COL25A1: variants seen among roughly 807,000 people sequenced by gnomAD.
The protein encoded by COL25A1 is collagen type XXV alpha 1 chain.
In COL25A1, 103 loss-of-function variants were observed where a neutral mutation model predicts 128.4. The observed-to-expected ratio is 0.80, with a 90% CI of 0.68 to 0.94. The LOEUF (loss-of-function observed/expected upper bound fraction) is 0.94. Among genes scored for constraint, COL25A1 ranks in the 40% least tolerant of loss-of-function variants. The pLI is 0.00. For synonymous variants in COL25A1, 279 were observed against 277.2 expected, an observed-to-expected ratio of 1.01 and a Z score of -0.06; for missense variants, 745 against 840.0, an observed-to-expected ratio of 0.89 and a Z score of 1.40.
chr4:108,821,894 A>G (rs766054006), intron 35 of COL25A1, among the ~76,000 whole-genome samples: 17 of 152,164 alleles, frequency 1.1e-4, no homozygotes, highest in Non-Finnish European at 1.3e-4. Flanking sequence ...TTGTAAATTT[A>G]AAACTTCTAA....
chr4:108,839,411 T>G (rs1261365850), intron 31 of COL25A1, among the ~76,000 whole-genome samples: 2 of 152,208 alleles, frequency 1.3e-5, no homozygotes, highest in Non-Finnish European at 2.9e-5. Context: ...ACAGCCACTA[T>G]AGCAAGTCCA....
chr4:109,140,240 A>G (rs956618230), intron 3 of COL25A1, among the ~76,000 whole-genome samples: 4 of 151,844 alleles, frequency 2.6e-5, no homozygotes, highest in African/African-American at 9.7e-5. Context: ...TCCCTGAGGA[A>G]TTGTGTGTGG....
chr4:109,078,116 G>A (rs1336506715), intron 3 of COL25A1, among the ~76,000 whole-genome samples: 1 of 152,118 alleles, frequency 6.6e-6, no homozygotes, highest in Admixed American at 6.5e-5. Context: ...CAGTGCCTGG[G>A]TTTCTCTATT....
chr4:109,222,624 G>A (rs771710047), intron 3 of COL25A1, among the ~76,000 whole-genome samples: 7 of 151,940 alleles, frequency 4.6e-5, no homozygotes, highest in Non-Finnish European at 4.4e-5. Context: ...GCTAAATGTA[G>A]GATTTAGAAT....
At chr4:109,040,021 C>A (rs1759732928) in intron 5 of COL25A1, among the ~76,000 whole-genome samples, 1 of 152,088 alleles carries the variant, frequency 6.6e-6, no homozygotes, top group African/African-American at 2.4e-5. Context: ...TTCCATTTAA[C>A]CCTATGCAAA....
chr4:108,942,519 C>T (rs945289800), intron 8 of COL25A1, among the ~76,000 whole-genome samples: 2 of 151,972 alleles, frequency 1.3e-5, no homozygotes, highest in Non-Finnish European at 2.9e-5. Flanking sequence ...TCTAGGCTCA[C>T]TGCAACCTCC....
intron 11 of COL25A1, among the ~76,000 whole-genome samples, chr4:108,921,401 T>TTGTA (rs76093427): frequency 1.3e-5 from 2 of 151,614 alleles, no homozygotes; most frequent in Admixed American, 1.3e-4. Flanking sequence ...ATAGCTATAT[T>TTGTA]TCTATTTTTA....
intron 13 of COL25A1, among the ~76,000 whole-genome samples, chr4:108,912,679 A>C (rs1233697144): frequency 6.6e-6 from 1 of 152,218 alleles, no homozygotes; most frequent in Non-Finnish European, 1.5e-5. Context: ...TAGTGTTTAT[A>C]GTAAGTGAAT....
In COL25A1 at chr4:109,026,135, CAT is replaced by C. The variant is rs1553917374; in HGVS notation, c.421-15762_421-15761del. ...ACACACACACACACACACACACACA[CAT>C]ATACTCTTAAATTAGTTCGCGGGTT... On this transcript the variant is annotated intron_variant, in intron 5 of 37. Transcript: ENST00000399132. 1.4e-3 allele frequency among the ~76,000 whole-genome samples: 207 copies of C among 150,796 alleles called. 1 individual carries two copies. The highest frequency in any genetic ancestry group is 9.0e-3 in the South Asian group (43 of 4,756).
chr4:109,163,424 T>C (rs1772769915), intron 3 of COL25A1, among the ~76,000 whole-genome samples: 1 of 152,182 alleles, frequency 6.6e-6, no homozygotes, highest in Non-Finnish European at 1.5e-5. Flanking sequence ...TTTTGGCCTA[T>C]ATGACTAGAG....
intron 15 of COL25A1, among the ~76,000 whole-genome samples, 164 bp downstream of exon 15, chr4:108,898,990 T>TCTCTATAG (rs1742494267): frequency 6.9e-6 from 1 of 144,344 alleles, no homozygotes; most frequent in South Asian, 2.1e-4. Context: ...TATCTATATA[T>TCTCTATAG]CTATATATCT....
chr4:109,048,213 G>A, intron 4 of COL25A1, 38 bp from the exon 5 acceptor site: 1 of 1,588,944 alleles, frequency 6.3e-7, no homozygotes, highest in Non-Finnish European at 8.6e-7. Context: ...GAGAGAGAGA[G>A]GAGTTAGTGA....
At chr4:109,287,986 G>A (rs932241319) in intron 3 of COL25A1, among the ~76,000 whole-genome samples, 1 of 151,980 alleles carries the variant, frequency 6.6e-6, no homozygotes, top group Non-Finnish European at 1.5e-5. Flanking sequence ...ACATGCATGA[G>A]TAAGATGGGA....
At chr4:109,277,181 C>T (rs77640591) in intron 3 of COL25A1, among the ~76,000 whole-genome samples, 1 of 152,070 alleles carries the variant, frequency 6.6e-6, no homozygotes, top group Non-Finnish European at 1.5e-5. Flanking sequence ...TAATTATTCC[C>T]CCTTAGCCTT....
chr4:109,184,555 T>C (rs972500843), intron 3 of COL25A1, among the ~76,000 whole-genome samples: 1 of 152,180 alleles, frequency 6.6e-6, no homozygotes, highest in Non-Finnish European at 1.5e-5. Flanking sequence ...TGATGGTCAG[T>C]AGCCCTAGGA....
At chr4:108,906,795 A>G (rs1304610889) in intron 13 of COL25A1, among the ~76,000 whole-genome samples, 1 of 152,162 alleles carries the variant, frequency 6.6e-6, no homozygotes, top group Non-Finnish European at 1.5e-5. Flanking sequence ...TATTTTGCTC[A>G]TTACTCTTTC....
intron 3 of COL25A1, among the ~76,000 whole-genome samples, chr4:109,140,919 C>A (rs2126085746): frequency 6.6e-6 from 1 of 152,242 alleles, no homozygotes; most frequent in Non-Finnish European, 1.5e-5. Context: ...TGTGAATACC[C>A]TTTATTTCTT....
rs1484919072 is a variant in COL25A1 at position 109,220,405 on chromosome 4, C to CA, written c.367+80177dup. 1.5e-4 allele frequency among the ~76,000 whole-genome samples: 23 copies of CA among 152,160 alleles called. No homozygotes were observed. In the East Asian group the frequency reaches 4.4e-3, roughly 29 times the overall value. The stretch of plus-strand genomic sequence containing the variant: ...ACTCTACATGGCAGAATTTTATGAA[C>CA]AAAAGCAATTCAAACTAGACACAAA... On this transcript the variant is annotated intron_variant, in intron 3 of 37. Coordinates refer to ENST00000399132, the MANE Select transcript of COL25A1 (RefSeq NM_198721.4).
At position 109,252,768 on chromosome 4, in the gene COL25A1, C is replaced by A. The variant is rs761313811; in HGVS notation, c.367+47815G>T. On this transcript the variant is annotated intron_variant, in intron 3 of 37. Coordinates refer to ENST00000399132, the MANE Select transcript of COL25A1 (RefSeq NM_198721.4). ...TTTACAACCAGGTGCACAGCTTGAACTCTGCCCACTAGGCGAGTTTCCCTT... is the reference window on the plus strand; with the variant it reads ...TTTACAACCAGGTGCACAGCTTGAAATCTGCCCACTAGGCGAGTTTCCCTT... Among the ~76,000 whole-genome samples the A allele has an allele frequency of 2.0e-5, 3 of 152,218 alleles. No individual in the cohort carries two copies. The South Asian group carries it at 6.2e-4, about 32-fold the overall frequency.
Sources: gnomAD v4.1 joint callset for allele counts (sites outside exome capture counted in the v4.1 genomes callset) on GRCh38, gnomAD v4.1.1 for gene constraint, MANE v1.5 for transcripts, NCBI Gene and HGNC (gene_info 2026-07-23, HGNC 2026-07-21) for gene names.